Variants in RABGAP1L observed in about 807,000 individuals in gnomAD.
RABGAP1L encodes the protein rab GTPase-activating protein 1-like.
Under a neutral mutation model 137.7 loss-of-function variants are expected in RABGAP1L, and 63 were observed. That is an observed-to-expected ratio of 0.46 (90% CI 0.37 to 0.56). The LOEUF is 0.56. Ranked by LOEUF, RABGAP1L falls within the 20% of genes least tolerant of loss-of-function variation. The pLI, the probability that RABGAP1L is intolerant of heterozygous loss-of-function variation, is 0.00. For synonymous variants in RABGAP1L, 431 were observed against 433.7 expected (o/e 0.99, Z 0.08); for missense variants, 1,095 against 1,244.0 (o/e 0.88, Z 1.80).
At chr1:174,530,592 A>G (rs1003528572) in intron 13 of RABGAP1L, among the ~76,000 whole-genome samples, 1 of 152,108 alleles carries the variant, frequency 6.6e-6, no homozygotes, top group African/African-American at 2.4e-5. Flanking sequence ...CACATTGGGG[A>G]GTAGCTCTCA....
At chr1:174,282,092 A>G (rs1415044193) in intron 10 of RABGAP1L, among the ~76,000 whole-genome samples, 3 of 152,128 alleles carry the variant, frequency 2.0e-5, no homozygotes, top group Admixed American at 1.3e-4. Context: ...AGTTGTTTCC[A>G]TTTTTGGTTC....
At chr1:174,810,428 A>G (rs1689756434) in intron 18 of RABGAP1L, among the ~76,000 whole-genome samples, 2 of 152,250 alleles carry the variant, frequency 1.3e-5, no homozygotes, top group African/African-American at 4.8e-5. Context: ...ATGTCTTGCT[A>G]GTCATGATAA....
At chr1:174,671,509 A>G (rs961494997) in intron 14 of RABGAP1L, among the ~76,000 whole-genome samples, 1 of 152,166 alleles carries the variant, frequency 6.6e-6, no homozygotes, top group Non-Finnish European at 1.5e-5. Flanking sequence ...GAGAGTTTTA[A>G]ATCATGAAGT....
chr1:174,237,771 G>T (rs1452960853), intron 4 of RABGAP1L, among the ~76,000 whole-genome samples: 10 of 140,800 alleles, frequency 7.1e-5, no homozygotes, highest in Non-Finnish European at 1.2e-4. Flanking sequence ...TTCTCGAGGA[G>T]TATCTTTGTG....
chr1:174,577,257 ACACACAC>A (rs1668443989), intron 13 of RABGAP1L, among the ~76,000 whole-genome samples: 1 of 138,532 alleles, frequency 7.2e-6, no homozygotes, highest in Non-Finnish European at 1.6e-5. Flanking sequence ...ACACACACAC[ACACACAC>A]ATTGAGAGTC....
chr1:174,709,120 C>G (rs962148166), intron 17 of RABGAP1L, among the ~76,000 whole-genome samples: 3 of 152,226 alleles, frequency 2.0e-5, no homozygotes, highest in Admixed American at 6.5e-5. Flanking sequence ...TAGCACCTCT[C>G]TAGATTCATG....
chr1:174,498,334 A>G (rs535636554), intron 13 of RABGAP1L, among the ~76,000 whole-genome samples: 1 of 152,132 alleles, frequency 6.6e-6, no homozygotes, highest in Non-Finnish European at 1.5e-5. Context: ...TAGGAATGCT[A>G]ATTAATTAAA....
chr1:174,704,588 T>G (rs941168530), intron 17 of RABGAP1L, among the ~76,000 whole-genome samples: 3 of 152,218 alleles, frequency 2.0e-5, no homozygotes, highest in African/African-American at 7.2e-5. Flanking sequence ...CAGAATAGGT[T>G]TCCAAATCCT....
At chr1:174,189,784 C>T (rs536575154) in intron 1 of RABGAP1L, among the ~76,000 whole-genome samples, 1 of 152,220 alleles carries the variant, frequency 6.6e-6, no homozygotes, top group South Asian at 2.1e-4. Context: ...GTCTGGGCAA[C>T]ATAGTGAGAC....
chr1:174,376,077 GAGTAA>G (rs1333677727), intron 12 of RABGAP1L, among the ~76,000 whole-genome samples: 67 of 149,386 alleles, frequency 4.5e-4, no homozygotes, highest in African/African-American at 1.1e-3. Context: ...AAATAAAGTA[GAGTAA>G]AGTAAAGTAA....
chr1:174,782,228 C>T (rs778646245), intron 18 of RABGAP1L, among the ~76,000 whole-genome samples: 9 of 152,092 alleles, frequency 5.9e-5, no homozygotes, highest in Non-Finnish European at 8.8e-5. Context: ...CGTTTGTGCC[C>T]TCTTTTATTT....
At chr1:174,525,499 A>C (rs781189622) in intron 13 of RABGAP1L, among the ~76,000 whole-genome samples, 36 of 152,216 alleles carry the variant, frequency 2.4e-4, no homozygotes, top group Admixed American at 7.2e-4. Context: ...TGTATTCTGC[A>C]ACTTTACTGA....
At chr1:174,639,360 G>C (rs963167705) in intron 14 of RABGAP1L, among the ~76,000 whole-genome samples, 2 of 151,816 alleles carry the variant, frequency 1.3e-5, no homozygotes, top group Non-Finnish European at 2.9e-5. Context: ...AAAGACCATT[G>C]GATGCCACAA....
intron 5 of RABGAP1L, among the ~76,000 whole-genome samples, chr1:174,242,532 C>T (rs542391456): frequency 5.6e-4 from 86 of 152,280 alleles, no homozygotes; most frequent in African/African-American, 1.9e-3. Flanking sequence ...ATTCTATTAA[C>T]AGGAGTTTTG....
chr1:174,228,044 T>C (rs1346768818), intron 3 of RABGAP1L, among the ~76,000 whole-genome samples: 5 of 152,118 alleles, frequency 3.3e-5, no homozygotes, highest in Admixed American at 6.6e-5. Flanking sequence ...AATATTTTAC[T>C]GCAGATCTTG....
intron 11 of RABGAP1L, among the ~76,000 whole-genome samples, chr1:174,313,445 T>C (rs1679055613): frequency 6.6e-6 from 1 of 152,202 alleles, no homozygotes; most frequent in African/African-American, 2.4e-5. Context: ...CCAATTTGGA[T>C]GCCCTTTATA....
At chr1:174,917,777 A>G (rs1661113546) in intron 19 of RABGAP1L, among the ~76,000 whole-genome samples, 1 of 152,094 alleles carries the variant, frequency 6.6e-6, no homozygotes, top group African/African-American at 2.4e-5. Context: ...TACTAAAAAT[A>G]CAAAAAGTAG....
At chr1:174,470,445 C>T (rs1657786525) in intron 13 of RABGAP1L, among the ~76,000 whole-genome samples, 1 of 152,092 alleles carries the variant, frequency 6.6e-6, no homozygotes, top group South Asian at 2.1e-4. Context: ...TAATCTCTGG[C>T]CTTCCTTGAA....
At chr1:174,600,724 T>G (rs183399985) in intron 13 of RABGAP1L, among the ~76,000 whole-genome samples, 26 of 152,306 alleles carry the variant, frequency 1.7e-4, no homozygotes, top group African/African-American at 6.3e-4. Flanking sequence ...CCCTGTGGCT[T>G]TGCAGAGTAC....
Sources: gnomAD v4.1 joint callset for allele counts (sites outside exome capture counted in the v4.1 genomes callset) on GRCh38, gnomAD v4.1.1 for gene constraint, MANE v1.5 for transcripts, NCBI Gene and HGNC (gene_info 2026-07-23, HGNC 2026-07-21) for gene names.